Variants in CNTN5 observed in about 807,000 individuals in gnomAD.
CNTN5 encodes the protein contactin-5.
A neutral mutation model predicts 129.1 loss-of-function variants in CNTN5; 77 were observed. That is an observed-to-expected ratio of 0.60 (90% CI 0.50 to 0.72). The LOEUF (loss-of-function observed/expected upper bound fraction) is 0.72, where lower values mean the gene tolerates loss of function less well. Among genes scored for constraint, CNTN5 ranks in the 30% least tolerant of loss-of-function variants. The probability of loss-of-function intolerance (pLI) is 0.00; values close to 1 mark genes in which losing one functional copy is unlikely to be tolerated. For missense variants in CNTN5, 1,478 were observed against 1,328.8 expected, an observed-to-expected ratio of 1.11 and a Z score of -1.75; for synonymous variants, 509 against 465.6, an observed-to-expected ratio of 1.09 and a Z score of -1.20.
chr11:99,092,245 G>A (rs190513484), intron 1 of CNTN5, among the ~76,000 whole-genome samples: 14 of 152,008 alleles, frequency 9.2e-5, no homozygotes, highest in Non-Finnish European at 1.3e-4. Flanking sequence ...AAAGTTAATC[G>A]GTAGTCCAAT....
At chr11:99,991,511 C>A (rs1939096933) in intron 8 of CNTN5, among the ~76,000 whole-genome samples, 2 of 152,018 alleles carry the variant, frequency 1.3e-5, no homozygotes, top group South Asian at 4.2e-4. Context: ...AAAAATAACT[C>A]TTCTGGTTGC....
rs1944436145 is a variant in CNTN5 at position 100,083,468 on chromosome 11, C to T, written c.1580+9174C>T. ...CATCTGTGATCTAATCACTTCCTAC[C>T]AGGCCCCATCTCCAACACTGGGAAT... On this transcript the variant is annotated intron_variant, in intron 13 of 24. Transcript: ENST00000524871. Among the ~76,000 whole-genome samples, 3 of 152,178 alleles carry T rather than the reference C, an allele frequency of 2.0e-5. No individual in the cohort carries two copies. The South Asian group carries it at 6.2e-4, about 32-fold the overall frequency.
chr11:99,811,864 G>T (rs1591231996), intron 3 of CNTN5, among the ~76,000 whole-genome samples: 1 of 151,886 alleles, frequency 6.6e-6, no homozygotes, highest in Admixed American at 6.6e-5. Flanking sequence ...AATAGAAAAA[G>T]AAATGATTAA....
intron 8 of CNTN5, among the ~76,000 whole-genome samples, chr11:99,993,719 G>T (rs915119679): frequency 3.3e-5 from 5 of 152,100 alleles, no homozygotes; most frequent in Non-Finnish European, 7.4e-5. Context: ...ACAGACCACT[G>T]CAGGTCTGTG....
chr11:99,760,799 TAAG>T (rs139932716), intron 3 of CNTN5, among the ~76,000 whole-genome samples: 2,869 of 152,156 alleles, frequency 0.019, 94 homozygotes, highest in African/African-American at 0.064. Context: ...AATTATAAGT[TAAG>T]AATAAATAGT....
chr11:99,544,873 A>G (rs865950478), intron 2 of CNTN5, among the ~76,000 whole-genome samples: 1 of 152,220 alleles, frequency 6.6e-6, no homozygotes, highest in African/African-American at 2.4e-5. Flanking sequence ...GAAAAAATCA[A>G]TAATAGCCAT....
At chr11:100,345,049 T>C (rs1398211449) in intron 23 of CNTN5, among the ~76,000 whole-genome samples, 1 of 152,100 alleles carries the variant, frequency 6.6e-6, no homozygotes, top group Non-Finnish European at 1.5e-5. Flanking sequence ...AATTTGACAT[T>C]TGAGCTCCCC....
intron 7 of CNTN5, among the ~76,000 whole-genome samples, chr11:99,928,417 C>T (rs993378543): frequency 6.6e-6 from 1 of 152,214 alleles, no homozygotes; most frequent in East Asian, 1.9e-4. Flanking sequence ...CACGAGGGCT[C>T]TGTCCCTGCA....
At chr11:99,587,003 T>A (rs1163608294) in intron 3 of CNTN5, among the ~76,000 whole-genome samples, 1 of 152,186 alleles carries the variant, frequency 6.6e-6, no homozygotes, top group Non-Finnish European at 1.5e-5. Flanking sequence ...TCCAGGCAAG[T>A]AAAGTTAAAT....
At chr11:99,145,449 G>A (rs1177332457) in intron 1 of CNTN5, among the ~76,000 whole-genome samples, 2 of 151,974 alleles carry the variant, frequency 1.3e-5, no homozygotes, top group Non-Finnish European at 2.9e-5. Flanking sequence ...TGGGTGGGTG[G>A]TGTCATGTAG....
intron 6 of CNTN5, among the ~76,000 whole-genome samples, chr11:99,856,557 TGGG>T (rs1948041080): frequency 6.6e-6 from 1 of 152,162 alleles, no homozygotes; most frequent in African/African-American, 2.4e-5. Context: ...GCTCATTCCA[TGGG>T]ACTTAAGGGG....
chr11:100,327,164 G>A (rs570684963), intron 21 of CNTN5, among the ~76,000 whole-genome samples: 1 of 152,160 alleles, frequency 6.6e-6, no homozygotes, highest in South Asian at 2.1e-4. Flanking sequence ...AAACCTAATT[G>A]TGCCACAGGC....
intron 7 of CNTN5, among the ~76,000 whole-genome samples, chr11:99,927,917 T>C (rs1380663914): frequency 6.6e-6 from 1 of 152,174 alleles, no homozygotes; most frequent in Non-Finnish European, 1.5e-5. Context: ...ACAAGGCAAG[T>C]TCCATCCTGG....
chr11:100,313,385 A>AG (rs1456748036), intron 21 of CNTN5, among the ~76,000 whole-genome samples: 1 of 151,278 alleles, frequency 6.6e-6, no homozygotes, highest in African/African-American at 2.4e-5. Context: ...TCTGATGTGG[A>AG]GGAAAGAGAA....
At chr11:99,925,002 T>G (rs991258101) in intron 7 of CNTN5, among the ~76,000 whole-genome samples, 2 of 152,170 alleles carry the variant, frequency 1.3e-5, no homozygotes, top group Admixed American at 6.5e-5. Flanking sequence ...GTCTTATATA[T>G]CTATAGGTAG....
rs114872544 is a variant in CNTN5 at position 99,899,671 on chromosome 11, T to C, written c.578-16383T>C. On this transcript the variant is annotated intron_variant, in intron 6 of 24. Transcript: ENST00000524871. ...TTTGCATTGATGTTAATCAGAAATA[T>C]TGACCTATAATTCCTTTTTTATTGT... Among the ~76,000 whole-genome samples, 509 of 152,186 alleles carry C rather than the reference T, an allele frequency of 3.3e-3. 3 individuals carry two copies. The highest frequency in any genetic ancestry group is 0.012 in the African/African-American group (484 of 41,580).
chr11:100,235,565 G>A (rs1239374929), intron 16 of CNTN5, among the ~76,000 whole-genome samples: 2 of 152,044 alleles, frequency 1.3e-5, no homozygotes, highest in Non-Finnish European at 2.9e-5. Context: ...GGCCCATAAT[G>A]TTAAAGATAT....
intron 2 of CNTN5, among the ~76,000 whole-genome samples, chr11:99,386,653 G>A (rs893622581): frequency 1.3e-5 from 2 of 152,084 alleles, no homozygotes; most frequent in African/African-American, 2.4e-5. Context: ...GACTTAGAAT[G>A]CCTTAACCAT....
chr11:99,378,157 G>T (rs1216990627), intron 2 of CNTN5, among the ~76,000 whole-genome samples: 1 of 151,966 alleles, frequency 6.6e-6, no homozygotes, highest in Non-Finnish European at 1.5e-5. Context: ...AAATTTGTGG[G>T]AACACTACTC....
Sources: allele counts gnomAD v4.1 joint callset (sites outside exome capture counted in the v4.1 genomes callset), GRCh38; gene constraint gnomAD v4.1.1; transcripts MANE v1.5; gene names NCBI Gene and HGNC (gene_info 2026-07-23, HGNC 2026-07-21).